Variants in SLC35F5 observed in about 807,000 individuals in gnomAD.
SLC35F5 encodes solute carrier family 35 member F5.
Under a neutral mutation model 68.6 loss-of-function variants are expected in SLC35F5, and 54 were observed. That is an observed-to-expected ratio of 0.79 (90% CI 0.63 to 0.99). The LOEUF (loss-of-function observed/expected upper bound fraction) is 0.99. Ranked by LOEUF, SLC35F5 falls within the 50% of genes least tolerant of loss-of-function variation. SLC35F5 has a pLI of 0.00. For missense variants in SLC35F5, 567 were observed against 626.9 expected (o/e 0.90, Z 1.02); for synonymous variants, 211 against 205.2 (o/e 1.03, Z -0.24).
rs551931714 is a variant in SLC35F5 at position 113,727,921 on chromosome 2, T to TA, written c.1090+1479dup. On this transcript the variant is annotated intron_variant, in intron 11 of 15. Coordinates refer to ENST00000245680, the MANE Select transcript of SLC35F5 (RefSeq NM_025181.5). The stretch of plus-strand genomic sequence containing the variant: ...TGACCCAACCACCTACCTATAACAC[T>TA]AAAAAAAACTAGCATTTTATTCCAT... 2.8e-3 allele frequency among the ~76,000 whole-genome samples: 429 copies of TA among 152,084 alleles called. 2 individuals are homozygous for TA. The highest frequency in any genetic ancestry group is 9.7e-3 in the African/African-American group (401 of 41,506).
At position 113,746,310 on chromosome 2, in the gene SLC35F5, A is replaced by C; in HGVS notation, c.447T>G (p.Ala149=). 1 of 1,613,498 alleles carries C rather than the reference A, an allele frequency of 6.2e-7. No homozygotes were observed. Among genetic ancestry groups the C allele is most frequent in the Non-Finnish European group, 8.5e-7 (1 of 1,179,790 alleles). The change falls in exon 5 of 16, where the codon GCT becomes GCG. Residue 149 remains alanine (A), a synonymous_variant. Transcript: ENST00000245680. ...FFADAEGYFA[A]CTTDTTMNSS... The stretch of plus-strand genomic sequence containing the variant: ...TATTCATAGTTGTATCTGTTGTGCA[A>C]GCAGCAAAGTAACCTTCAGCATCTG...
intron 7 of SLC35F5, among the ~76,000 whole-genome samples, chr2:113,736,102 GTT>G (rs5833509): frequency 6.9e-6 from 1 of 145,682 alleles, no homozygotes; most frequent in Non-Finnish European, 1.5e-5. Flanking sequence ...TAGCATTCAG[GTT>G]TTTTTTTTTA....
chr2:113,740,589 G>A (rs564352875), intron 7 of SLC35F5, among the ~76,000 whole-genome samples: 1 of 152,216 alleles, frequency 6.6e-6, no homozygotes, highest in Non-Finnish European at 1.5e-5. Flanking sequence ...CATTCACACT[G>A]TTATGCAACC....
rs764607158 is a variant in SLC35F5, at chr2:113,755,282, G to T, written c.156C>A (p.Val52=). Residue 52 remains valine, a synonymous_variant, in exon 3 of 16, where the codon GTC becomes GTA. Coordinates refer to ENST00000245680, the MANE Select transcript of SLC35F5 (RefSeq NM_025181.5). The part of the protein sequence containing the change: ...KTRLQMVCVF[V]MNRMNSQNSG... ...TGTTCTGGGAATTCATTCGGTTCATGACAAATACACACACCATTTGCAGTC... is the reference window on the plus strand; with the variant it reads ...TGTTCTGGGAATTCATTCGGTTCATTACAAATACACACACCATTTGCAGTC... 3.7e-6 allele frequency: 6 copies of T among 1,614,014 alleles called. No homozygotes were observed. Among genetic ancestry groups the T allele is most frequent in the Middle Eastern group, 3.3e-4 (2 of 6,084 alleles).
At chr2:113,753,962 A>G (rs1676861218) in intron 3 of SLC35F5, among the ~76,000 whole-genome samples, 1 of 152,162 alleles carries the variant, frequency 6.6e-6, no homozygotes, top group Admixed American at 6.6e-5. Context: ...TATATGGTCT[A>G]TTAGATTCCA....
rs147851917 is a variant in SLC35F5, at chr2:113,746,296, G to A, written c.461C>T (p.Thr154Ile). 1.2e-4 allele frequency: 197 copies of A among 1,613,124 alleles called. 1 individual carries two copies. In the African/African-American group the frequency reaches 2.1e-3, roughly 17 times the overall value. Residue 154 changes from threonine to isoleucine, a missense_variant, in exon 5 of 16, where the codon ACA (threonine) becomes ATA (isoleucine). Coordinates refer to ENST00000245680, the MANE Select transcript of SLC35F5 (RefSeq NM_025181.5). ...ACTTACCAAAGAACTATTCATAGTT[G>A]TATCTGTTGTGCAAGCAGCAAAGTA... The part of the protein sequence containing the change: ...EGYFAACTTD[T>I]TMNSSLSEPL...
Position 113,712,291 on chromosome 2 carries a change from G to C in SLC35F5, c.*2927C>G, listed in dbSNP as rs1309201895. Among the ~76,000 whole-genome samples, 1 of 151,760 alleles carries C rather than the reference G, an allele frequency of 6.6e-6. No homozygotes were observed. The highest frequency in any genetic ancestry group is 1.5e-5 in the Non-Finnish European group (1 of 67,984). ...TACATAAACCTAATGGTTCTTCTAA[G>C]CTTCAAAAAGCATTCATTTCAAAAG... On this transcript the variant is annotated 3_prime_UTR_variant, in exon 16 of 16. Transcript: ENST00000245680.
chr2:113,734,485 T>C, intron 9 of SLC35F5, 101 bp downstream of exon 9: 1 of 670,262 alleles, frequency 1.5e-6, no homozygotes, highest in Non-Finnish European at 2.6e-6. Context: ...TATCCACATC[T>C]TTCTTTGCTC....
At chr2:113,723,441 T>C (rs541421301) in intron 12 of SLC35F5, among the ~76,000 whole-genome samples, 1 of 152,322 alleles carries the variant, frequency 6.6e-6, no homozygotes, top group East Asian at 1.9e-4. Flanking sequence ...CAAGAGCTGT[T>C]TGCAGATCTT....
At chr2:113,746,435 G>A in intron 4 of SLC35F5, 96 bp from the exon 5 acceptor site, 2 of 903,782 alleles carry the variant, frequency 2.2e-6, no homozygotes, top group Non-Finnish European at 3.6e-6. Context: ...CAAAAATCCA[G>A]AATCAACCTG....
In SLC35F5 at chr2:113,713,118, T is replaced by G. The variant is rs1170237862; in HGVS notation, c.*2100A>C. 5.9e-5 allele frequency: 9 copies of G among 152,264 alleles called. No individual in the cohort carries two copies. The East Asian group carries it at 1.7e-3, about 29-fold the overall frequency. The allele number at this position is 152,264 out of a possible 1,614,324, so 9.4% of individuals were successfully genotyped here. ...CAATCATTCAGATAAATAAAACCTG[T>G]GAGAAAAAGCAAACAGGTGGGCAAG... is the stretch of plus-strand genomic sequence containing the variant. On this transcript the variant is annotated 3_prime_UTR_variant, in exon 16 of 16. Coordinates refer to ENST00000245680, the MANE Select transcript of SLC35F5 (RefSeq NM_025181.5).
intron 11 of SLC35F5, among the ~76,000 whole-genome samples, chr2:113,727,215 T>C (rs1380986112): frequency 6.6e-6 from 1 of 152,168 alleles, no homozygotes; most frequent in Non-Finnish European, 1.5e-5. Context: ...TACGTCATGA[T>C]TGTAAGTTTC....
chr2:113,742,435 T>C, intron 7 of SLC35F5: 1 of 504,532 alleles, frequency 2.0e-6, no homozygotes, highest in African/African-American at 1.9e-5. Flanking sequence ...CTTCCCAACC[T>C]GTGTGTGTTT....
Position 113,706,784 on chromosome 2 carries a change from G to A in SLC35F5, c.*8434C>T, listed in dbSNP as rs1686810204. ...AATATTTGTATAAGGACAGATTTGAGGTTTTTCTGTACTTTTAATGAGCTA... is the reference window on the plus strand; with the variant it reads ...AATATTTGTATAAGGACAGATTTGAAGTTTTTCTGTACTTTTAATGAGCTA... On this transcript the variant is annotated 3_prime_UTR_variant, in exon 16 of 16. Transcript: ENST00000245680. 1.3e-5 allele frequency among the ~76,000 whole-genome samples: 2 copies of A among 152,000 alleles called. No individual in the cohort carries two copies. The highest frequency in any genetic ancestry group is 4.1e-4 in the South Asian group (2 of 4,822).
At chr2:113,705,944 G>A (rs1051213548), downstream of SLC35F5, among the ~76,000 whole-genome samples, 5 of 152,154 alleles carry the variant, frequency 3.3e-5, no homozygotes, top group Non-Finnish European at 7.3e-5. Flanking sequence ...AAGTAGAGGA[G>A]GGAAGGGATT....
At chr2:113,718,074 A>AGGGT in intron 14 of SLC35F5, among the ~76,000 whole-genome samples, 3 of 152,016 alleles carry the variant, frequency 2.0e-5, no homozygotes, top group Non-Finnish European at 2.9e-5. Flanking sequence ...AATAAGAGAT[A>AGGGT]CGGTCTCACT....
chr2:113,710,988 G>A lies in SLC35F5; in HGVS notation c.*4230C>T, dbSNP rs949620548. Among the ~76,000 whole-genome samples the A allele has an allele frequency of 6.6e-6, 1 of 152,152 alleles. No homozygotes were observed. The highest frequency in any genetic ancestry group is 1.5e-5 in the Non-Finnish European group (1 of 68,020). ...ATCTAAGTGAAAGTTAATAAAAGTA[G>A]CTCTTCAGAAAGACATCTCATGTAA... is the stretch of plus-strand genomic sequence containing the variant. On this transcript the variant is annotated 3_prime_UTR_variant, in exon 16 of 16. Transcript: ENST00000245680.
chr2:113,752,873 T>C (rs565732653), intron 3 of SLC35F5, among the ~76,000 whole-genome samples: 1 of 152,126 alleles, frequency 6.6e-6, no homozygotes, highest in Non-Finnish European at 1.5e-5. Flanking sequence ...GTTAATGGCA[T>C]AGTGATTATG....
At chr2:113,703,643 G>A (rs1018994724), downstream of SLC35F5, 6 of 152,260 alleles carry the variant, frequency 3.9e-5, no homozygotes, top group East Asian at 1.9e-4. Context: ...TTAGATTGGC[G>A]AGACTTGATT....
Sources: gnomAD v4.1 joint callset for allele counts (sites outside exome capture counted in the v4.1 genomes callset) on GRCh38, gnomAD v4.1.1 for gene constraint, MANE v1.5 for transcripts, NCBI Gene and HGNC (gene_info 2026-07-23, HGNC 2026-07-21) for gene names.